Variants in TK2 observed in about 807,000 individuals in gnomAD.
TK2 encodes thymidine kinase 2, also known as thymidine kinase 2, mitochondrial.
TK2 carries 35 observed loss-of-function variants against 41.9 expected under a neutral mutation model. That is an observed-to-expected ratio of 0.84 (90% CI 0.64 to 1.11). TK2 has a LOEUF of 1.11. Among genes scored for constraint, TK2 ranks in the 50% least tolerant of loss-of-function variants. The pLI, the probability that TK2 is intolerant of heterozygous loss-of-function variation, is 0.00. For synonymous variants in TK2, 128 were observed against 129.1 expected, an observed-to-expected ratio of 0.99 and a Z score of 0.06; for missense variants, 320 against 351.1, an observed-to-expected ratio of 0.91 and a Z score of 0.71.
rs920490337 is a variant in TK2 at position 66,511,564 on chromosome 16, G to A, written c.*404C>T. On this transcript the variant is annotated 3_prime_UTR_variant, in exon 10 of 10. Transcript: ENST00000544898. The stretch of plus-strand genomic sequence containing the variant: ...CTGGGGAGCCCCTCAACCTTTCTGA[G>A]CTTCAAATTCCTCACCTGGGATATA... 2 of 334,778 alleles carry A rather than the reference G, an allele frequency of 6.0e-6. No individual in the cohort carries two copies. Among genetic ancestry groups the A allele is most frequent in the Non-Finnish European group, 1.2e-5 (2 of 171,888 alleles). 20.7% of individuals were successfully genotyped at this position (334,778 alleles called of 1,614,324 possible). A position where few individuals can be genotyped will look rare whatever the true frequency, so the allele number is the denominator to read the frequency against.
At chr16:66,525,757 A>G (rs1964912242) in intron 6 of TK2, among the ~76,000 whole-genome samples, 1 of 152,194 alleles carries the variant, frequency 6.6e-6, no homozygotes, top group South Asian at 2.1e-4. Flanking sequence ...CCCGAAAGCC[A>G]TATGAACTTA....
intron 9 of TK2, among the ~76,000 whole-genome samples, chr16:66,512,269 A>G (rs1165402895): frequency 1.3e-5 from 2 of 152,194 alleles, no homozygotes; most frequent in Non-Finnish European, 2.9e-5. Flanking sequence ...TCACTTAAGA[A>G]TGTACTACAA....
chr16:66,539,395 T>C (rs987369553), intron 3 of TK2, among the ~76,000 whole-genome samples: 3 of 151,760 alleles, frequency 2.0e-5, no homozygotes, highest in Non-Finnish European at 4.4e-5. Flanking sequence ...GGTCAGGAGT[T>C]TGAAACCAGC....
chr16:66,511,566 T>C lies in TK2; in HGVS notation c.*402A>G, dbSNP rs1380479806. ...GGGGAGCCCCTCAACCTTTCTGAGC[T>C]TCAAATTCCTCACCTGGGATATAAG... On this transcript the variant is annotated 3_prime_UTR_variant, in exon 10 of 10. Coordinates refer to ENST00000544898, the MANE Select transcript of TK2 (RefSeq NM_004614.5). The C allele has an allele frequency of 3.0e-6, 1 of 334,966 alleles. No individual in the cohort carries two copies. Among genetic ancestry groups the C allele is most frequent in the African/African-American group, 2.1e-5 (1 of 46,540 alleles). 20.7% of individuals were successfully genotyped at this position (334,966 alleles called of 1,614,324 possible).
intron 6 of TK2, among the ~76,000 whole-genome samples, chr16:66,518,615 G>A (rs765692925): frequency 1.6e-4 from 25 of 152,186 alleles, no homozygotes; most frequent in Admixed American, 2.6e-4. Context: ...CTAAATCTTG[G>A]TAAATCTATA....
intron 3 of TK2, among the ~76,000 whole-genome samples, chr16:66,541,594 T>C (rs1320212086): frequency 6.6e-6 from 1 of 152,080 alleles, no homozygotes; most frequent in Non-Finnish European, 1.5e-5. Flanking sequence ...CCTGGCATAT[T>C]TTTGTAGAGA....
At chr16:66,535,133 G>C (rs1965235770) in intron 4 of TK2, among the ~76,000 whole-genome samples, 1 of 152,198 alleles carries the variant, frequency 6.6e-6, no homozygotes, top group African/African-American at 2.4e-5. Flanking sequence ...GATGGCCGCA[G>C]AAACAGTCAC....
chr16:66,521,907 A>T (rs1429698973), intron 6 of TK2, among the ~76,000 whole-genome samples: 3 of 152,232 alleles, frequency 2.0e-5, no homozygotes, highest in African/African-American at 7.2e-5. Flanking sequence ...TTACATCAGT[A>T]CAATTTCTTG....
intron 5 of TK2, among the ~76,000 whole-genome samples, chr16:66,530,113 G>A (rs1965063833): frequency 6.6e-6 from 1 of 152,234 alleles, no homozygotes; most frequent in African/African-American, 2.4e-5. Context: ...GTGGATTTGT[G>A]CAATTTAGAC....
intron 3 of TK2, among the ~76,000 whole-genome samples, chr16:66,538,925 G>C (rs662089): frequency 2.0e-5 from 3 of 152,032 alleles, no homozygotes; most frequent in Non-Finnish European, 4.4e-5. Context: ...CTGGCCTAGC[G>C]ACCCTGGACA....
Position 66,527,515 on chromosome 16 carries a change from G to T in TK2, c.449+1479C>A, listed in dbSNP as rs142310069. The stretch of plus-strand genomic sequence containing the variant: ...CCAACAATAGCTAACAGGTATCAAC[G>T]AGGAGCCTGCTCTGTGCTGGGTCCA... On this transcript the variant is annotated intron_variant, in intron 6 of 9. Coordinates refer to ENST00000544898, the MANE Select transcript of TK2 (RefSeq NM_004614.5). 4.2e-3 allele frequency among the ~76,000 whole-genome samples: 640 copies of T among 152,272 alleles called. 3 individuals carry two copies. Among genetic ancestry groups the T allele is most frequent in the Middle Eastern group, 0.017 (5 of 294 alleles).
At chr16:66,540,376 T>C (rs1965423175) in intron 3 of TK2, among the ~76,000 whole-genome samples, 1 of 152,078 alleles carries the variant, frequency 6.6e-6, no homozygotes, top group South Asian at 2.1e-4. Flanking sequence ...TTTTGTCATG[T>C]TGGCCAGGCT....
At position 66,548,840 on chromosome 16, in the gene TK2, A is replaced by T. The variant is rs959903863; in HGVS notation, c.156+138T>A. 7 of 825,718 alleles carry T rather than the reference A, an allele frequency of 8.5e-6. No individual in the cohort carries two copies. In the African/African-American group the frequency reaches 1.2e-4, roughly 14 times the overall value. 51.1% of individuals were successfully genotyped at this position (825,718 alleles called of 1,614,324 possible). The stretch of plus-strand genomic sequence containing the variant: ...AGGTGGCCTTCTAGGAGGGTGACAG[A>T]CTTCCTTCTCCCTGGAGATCCTCTT... On this transcript the variant is annotated intron_variant, in intron 2 of 9. Coordinates refer to ENST00000544898, the MANE Select transcript of TK2 (RefSeq NM_004614.5).
chr16:66,533,147 G>A (rs943252047), intron 4 of TK2, among the ~76,000 whole-genome samples: 4 of 143,594 alleles, frequency 2.8e-5, no homozygotes, highest in Non-Finnish European at 4.5e-5. Flanking sequence ...TCAGCTCACC[G>A]CAACCTCTAC....
chr16:66,512,015 T>A lies in TK2; in HGVS notation c.751A>T (p.Asn251Tyr). ...TCTGGAGTTAATATTCGATCCCGAT[T>A]TTGTTCAAAGAGTTCTAACATCCTC... is the stretch of plus-strand genomic sequence containing the variant. ...MERMLELFEQ[N>Y]RDRILTPENR... is the part of the protein sequence containing the mutation. The change falls in exon 10 of 10, where the codon AAT (asparagine) becomes TAT (tyrosine). Residue 251 changes from asparagine (N) to tyrosine (Y), a missense_variant. Asn to Tyr is a moderately radical substitution (Grantham distance 143). Coordinates refer to ENST00000544898, the MANE Select transcript of TK2 (RefSeq NM_004614.5). The A allele has an allele frequency of 1.9e-6, 3 of 1,614,184 alleles. No individual in the cohort carries two copies. The highest frequency in any genetic ancestry group is 2.5e-6 in the Non-Finnish European group (3 of 1,180,042).
At chr16:66,520,166 G>A (rs1964738956) in intron 6 of TK2, among the ~76,000 whole-genome samples, 1 of 152,186 alleles carries the variant, frequency 6.6e-6, no homozygotes, top group Non-Finnish European at 1.5e-5. Context: ...TGGAGAAGCT[G>A]CGTGGGAGGC....
intron 1 of TK2, chr16:66,549,337 G>C: frequency 8.6e-7 from 1 of 1,158,404 alleles, no homozygotes; most frequent in Non-Finnish European, 1.1e-6. Flanking sequence ...CTCCACTCGC[G>C]GTGCACGGGG....
Position 66,517,316 on chromosome 16 carries a change from C to T in TK2, c.539-101G>A. On this transcript the variant is annotated intron_variant, in intron 7 of 9. Transcript: ENST00000544898. This position sits in a 1 kb window ranked among gnomAD's most constrained non-coding sequence, Gnocchi z 4.3. ...GGGAGGAAGGTCTGCACAGCTCGAG[C>T]AGGAAGCAGGGAGGGCCAGCTCTTG... 5.0e-6 allele frequency: 5 copies of T among 993,436 alleles called. No homozygotes were observed. The highest frequency in any genetic ancestry group is 8.1e-6 in the Non-Finnish European group (5 of 616,906). The allele number at this position is 993,436 out of a possible 1,614,324, so 61.5% of individuals were successfully genotyped here.
chr16:66,548,253 C>T (rs560762113), intron 2 of TK2, among the ~76,000 whole-genome samples: 5 of 152,178 alleles, frequency 3.3e-5, no homozygotes, highest in Admixed American at 2.0e-4. Context: ...ACCCTGAGTA[C>T]GCTGGGGGCC....
Sources: allele counts gnomAD v4.1 joint callset (sites outside exome capture counted in the v4.1 genomes callset), GRCh38; gene constraint gnomAD v4.1.1; non-coding constraint Gnocchi (gnomAD v3.1); transcripts MANE v1.5; gene names NCBI Gene and HGNC (gene_info 2026-07-23, HGNC 2026-07-21).